NLGN1: variants seen among roughly 807,000 people sequenced by gnomAD.
The protein encoded by NLGN1 is neuroligin-1.
NLGN1 carries 12 observed loss-of-function variants against 65.5 expected under a neutral mutation model. The observed-to-expected ratio is 0.18, with a 90% CI of 0.12 to 0.30. The LOEUF (loss-of-function observed/expected upper bound fraction) is 0.30. NLGN1 is among the 10% of genes least tolerant of loss of function. NLGN1 has a pLI of 1.00. For synonymous variants in NLGN1, 350 were observed against 359.5 expected (o/e 0.97, Z 0.30); for missense variants, 750 against 1,007.1 (o/e 0.74, Z 3.46).
intron 4 of NLGN1, among the ~76,000 whole-genome samples, chr3:174,102,230 C>G (rs1336060737): frequency 6.6e-6 from 1 of 151,980 alleles, no homozygotes; most frequent in African/African-American, 2.4e-5. Flanking sequence ...TTTTTTCTCC[C>G]TCTCTTGGTT....
rs1171560891 is a variant in NLGN1, at chr3:173,894,871, A to G, written c.646+87039A>G. Among the ~76,000 whole-genome samples the G allele has an allele frequency of 3.3e-5, 5 of 152,034 alleles. No individual in the cohort carries two copies. The East Asian group carries it at 9.7e-4, about 29-fold the overall frequency. ...AGGCTGGTGTCGAACTCCTGACCTC[A>G]AGTGATCCACCCGCCTCGGCCTCCC... is the stretch of plus-strand genomic sequence containing the variant. On this transcript the variant is annotated intron_variant, in intron 4 of 6. Coordinates refer to ENST00000457714, the Ensembl canonical transcript of NLGN1.
intron 2 of NLGN1, among the ~76,000 whole-genome samples, chr3:173,595,489 A>G (rs912197101): frequency 6.6e-6 from 1 of 152,176 alleles, no homozygotes; most frequent in African/African-American, 2.4e-5. Context: ...AAAATCATTT[A>G]ACAAGTCTCT....
chr3:173,991,045 C>T (rs753185031), intron 4 of NLGN1, among the ~76,000 whole-genome samples: 16 of 152,060 alleles, frequency 1.1e-4, no homozygotes, highest in African/African-American at 1.9e-4. Flanking sequence ...ATTGATGAAC[C>T]GATATTGACA....
intron 2 of NLGN1, among the ~76,000 whole-genome samples, chr3:173,453,699 T>G (rs1722023054): frequency 6.6e-6 from 1 of 152,216 alleles, no homozygotes; most frequent in Non-Finnish European, 1.5e-5. Flanking sequence ...AGCAATTCAT[T>G]TATGTCTTTA....
chr3:174,072,005 C>T (rs1229745518), intron 4 of NLGN1, among the ~76,000 whole-genome samples: 1 of 151,970 alleles, frequency 6.6e-6, no homozygotes, highest in African/African-American at 2.4e-5. Context: ...TTAGAAGGCG[C>T]CTCATGTGGA....
chr3:173,630,275 G>C (rs1360603103), intron 3 of NLGN1, among the ~76,000 whole-genome samples: 1 of 152,126 alleles, frequency 6.6e-6, no homozygotes, highest in African/African-American at 2.4e-5. Context: ...ATCCTGAACA[G>C]TGAACAGTGA....
chr3:174,066,562 C>CTGTGTGTGTGTGTGTG (rs1401534201), intron 4 of NLGN1, among the ~76,000 whole-genome samples: 2 of 129,868 alleles, frequency 1.5e-5, no homozygotes, highest in Admixed American at 7.6e-5. Flanking sequence ...CTCTCTCTCT[C>CTGTGTGTGTGTGTGTG]TCTGTGTGTG....
At chr3:173,688,196 T>C (rs1459193110) in intron 3 of NLGN1, among the ~76,000 whole-genome samples, 1 of 152,236 alleles carries the variant, frequency 6.6e-6, no homozygotes, top group Non-Finnish European at 1.5e-5. Flanking sequence ...TCGTATGACA[T>C]GGTGTATGTG....
At chr3:173,781,337 G>T (rs999992442) in intron 3 of NLGN1, among the ~76,000 whole-genome samples, 3 of 152,092 alleles carry the variant, frequency 2.0e-5, no homozygotes, top group African/African-American at 7.2e-5. Flanking sequence ...CAAATAGGAT[G>T]ATACTTTTCA....
intron 4 of NLGN1, among the ~76,000 whole-genome samples, chr3:173,946,451 A>G (rs1428658174): frequency 6.6e-6 from 1 of 152,230 alleles, no homozygotes; most frequent in Non-Finnish European, 1.5e-5. Context: ...AGTATTGTTT[A>G]CAGCACTATT....
chr3:173,453,843 A>G (rs1251036394), intron 2 of NLGN1, among the ~76,000 whole-genome samples: 1 of 152,092 alleles, frequency 6.6e-6, no homozygotes, highest in Non-Finnish European at 1.5e-5. Flanking sequence ...TTATATTTTG[A>G]TCTCCTCCCA....
At chr3:173,870,124 C>T (rs969128213) in intron 4 of NLGN1, among the ~76,000 whole-genome samples, 1 of 152,056 alleles carries the variant, frequency 6.6e-6, no homozygotes, top group Non-Finnish European at 1.5e-5. Context: ...AATAGACATC[C>T]TTACTTTTGT....
chr3:173,972,567 A>C (rs1560752780), intron 4 of NLGN1, among the ~76,000 whole-genome samples: 1 of 152,176 alleles, frequency 6.6e-6, no homozygotes, highest in East Asian at 1.9e-4. Context: ...AATGTGGAAG[A>C]GAAAGAGATA....
intron 2 of NLGN1, among the ~76,000 whole-genome samples, chr3:173,533,845 C>T (rs184297724): frequency 4.6e-5 from 7 of 152,030 alleles, no homozygotes; most frequent in South Asian, 2.1e-4. Flanking sequence ...AACCAGACCT[C>T]GTGATGCGCG....
intron 4 of NLGN1, among the ~76,000 whole-genome samples, chr3:174,080,623 T>G (rs2193719): frequency 0.12 from 18,566 of 152,040 alleles, 1,214 homozygotes; most frequent in East Asian, 0.18. Context: ...ACTTGAGGCA[T>G]TCTTCCCTTA....
At position 173,577,179 on chromosome 3, in the gene NLGN1, A is replaced by G. The variant is rs116773756; in HGVS notation, c.-320-27100A>G. ...CCTTGTATGATGAATTTCAGCTATA[A>G]GATATATCTTCTAGCTTCACCAGAC... On this transcript the variant is annotated intron_variant, in intron 2 of 6. Coordinates refer to ENST00000457714, the Ensembl canonical transcript of NLGN1. 4.3e-3 allele frequency among the ~76,000 whole-genome samples: 655 copies of G among 152,332 alleles called. 6 individuals carry two copies. The highest frequency in any genetic ancestry group is 0.015 in the African/African-American group (612 of 41,576).
At chr3:173,907,553 G>A (rs116106178) in intron 4 of NLGN1, among the ~76,000 whole-genome samples, 1,731 of 149,190 alleles carry the variant, frequency 0.012, 49 homozygotes, top group African/African-American at 0.04. Flanking sequence ...AGGAGAAGGC[G>A]TATCTTAGAT....
At chr3:174,200,273 G>T (rs140622423) in intron 4 of NLGN1, among the ~76,000 whole-genome samples, 24 of 152,310 alleles carry the variant, frequency 1.6e-4, no homozygotes, top group African/African-American at 5.8e-4. Context: ...AATAGGCAAT[G>T]AATAATTAAT....
intron 1 of NLGN1, among the ~76,000 whole-genome samples, chr3:173,409,672 T>C (rs1052429223): frequency 6.6e-6 from 1 of 152,206 alleles, no homozygotes; most frequent in Admixed American, 6.5e-5. Context: ...ATTCAGGATT[T>C]TCCATTGTGC....
Sources: gnomAD v4.1 joint callset for allele counts (sites outside exome capture counted in the v4.1 genomes callset) on GRCh38, gnomAD v4.1.1 for gene constraint, MANE v1.5 for transcripts, NCBI Gene and HGNC (gene_info 2026-07-23, HGNC 2026-07-21) for gene names.